MBTPS1: variants seen among roughly 807,000 people sequenced by gnomAD.
MBTPS1 encodes the protein membrane bound transcription factor peptidase, site 1, also known as membrane-bound transcription factor site-1 protease.
In MBTPS1, 94 loss-of-function variants were observed where a neutral mutation model predicts 127.8. That is an observed-to-expected ratio of 0.74 (90% CI 0.62 to 0.87). MBTPS1 has a LOEUF of 0.87. Among genes scored for constraint, MBTPS1 ranks in the 40% least tolerant of loss-of-function variants. The pLI is 0.00. For missense variants in MBTPS1, 1,636 were observed against 1,353.2 expected (o/e 1.21, Z -3.28); for synonymous variants, 632 against 509.4 (o/e 1.24, Z -3.24).
At chr16:84,067,944 G>C (rs1165222154) in intron 15 of MBTPS1, 121 bp from the exon 16 acceptor site, 19 of 904,700 alleles carry the variant, frequency 2.1e-5, no homozygotes, top group East Asian at 5.3e-5. Context: ...TCTGGTTTGT[G>C]CCACCCTGTA....
chr16:84,086,722 A>C (rs780676785), intron 9 of MBTPS1: 4 of 152,424 alleles, frequency 2.6e-5, no homozygotes, highest in Non-Finnish European at 4.4e-5. Flanking sequence ...CTGAAGAATG[A>C]GAAGGGCAGA....
intron 11 of MBTPS1, chr16:84,081,391 T>C (rs1278765182): frequency 1.2e-5 from 2 of 160,900 alleles, no homozygotes; most frequent in Non-Finnish European, 2.7e-5. Flanking sequence ...TCTGAAATGG[T>C]GGCATCAGGG....
At chr16:84,055,698 A>C (rs1385501181) in intron 22 of MBTPS1, among the ~76,000 whole-genome samples, 1 of 152,260 alleles carries the variant, frequency 6.6e-6, no homozygotes, top group Non-Finnish European at 1.5e-5. Flanking sequence ...TGGCTGGCAG[A>C]ACTTTCATAA....
Position 84,101,658 on chromosome 16 carries a change from A to C in MBTPS1, c.126T>G (p.Thr42=). The C allele has an allele frequency of 1.9e-6, 3 of 1,614,060 alleles. No homozygotes were observed. The highest frequency in any genetic ancestry group is 2.5e-6 in the Non-Finnish European group (3 of 1,179,932). ...CTGTTGATGAGAATTCCACCTTCAA[A>C]GTCAGGTGGGAACAGCCAGGGCATG... is the stretch of plus-strand genomic sequence containing the variant. ...KAPCPGCSHL[T]LKVEFSSTVV... is the part of the protein sequence containing the mutation. Residue 42 remains threonine (T), a synonymous_variant, in exon 2 of 23, where the codon ACT becomes ACG. Coordinates refer to ENST00000343411, the MANE Select transcript of MBTPS1 (RefSeq NM_003791.4).
Position 84,059,187 on chromosome 16 carries a change from C to G in MBTPS1, c.2831+115G>C, listed in dbSNP as rs1029134152. Reference sequence around the variant, plus strand: ...CTAAATAACTGTCGCAAATGACAAGCTTGAAGATCTGACAATTCGATAGTG... The same window carrying G: ...CTAAATAACTGTCGCAAATGACAAGGTTGAAGATCTGACAATTCGATAGTG... On this transcript the variant is annotated intron_variant, in intron 21 of 22. Coordinates refer to ENST00000343411, the MANE Select transcript of MBTPS1 (RefSeq NM_003791.4). 1.2e-5 allele frequency: 16 copies of G among 1,365,372 alleles called. No homozygotes were observed. The African/African-American group carries it at 1.3e-4, about 11-fold the overall frequency. 84.6% of individuals were successfully genotyped at this position (1,365,372 alleles called of 1,614,324 possible). A position where few individuals can be genotyped will look rare whatever the true frequency, so the allele number is the denominator to read the frequency against.
intron 10 of MBTPS1, among the ~76,000 whole-genome samples, chr16:84,084,474 C>T (rs748124220): frequency 8.5e-5 from 13 of 152,166 alleles, no homozygotes; most frequent in Admixed American, 1.3e-4. Flanking sequence ...TGTGTTCATT[C>T]GTTTCACTAG....
chr16:84,103,046 A>G (rs777657174), intron 1 of MBTPS1, among the ~76,000 whole-genome samples: 3 of 152,150 alleles, frequency 2.0e-5, no homozygotes, highest in East Asian at 1.9e-4. Flanking sequence ...ATGCGCACAG[A>G]TATCTTCCAA....
intron 4 of MBTPS1, among the ~76,000 whole-genome samples, chr16:84,094,426 A>G (rs573126875): frequency 1.4e-4 from 22 of 152,224 alleles, no homozygotes; most frequent in Non-Finnish European, 2.6e-4. Flanking sequence ...CTTTTCTATA[A>G]TAGTAAGTCT....
chr16:84,069,591 T>C (rs1326827324), intron 14 of MBTPS1, among the ~76,000 whole-genome samples: 2 of 151,946 alleles, frequency 1.3e-5, no homozygotes, highest in Admixed American at 6.5e-5. Flanking sequence ...AGGATGCAGT[T>C]TGAGGGTAAG....
rs572327336 is a variant in MBTPS1, at chr16:84,054,234, C to T, written c.*215G>A. ...CGGGAAGTCTCACTGGCGGCAGAGC[C>T]ACTAAGTCCCTCCTGACGGGATCCA... On this transcript the variant is annotated 3_prime_UTR_variant, in exon 23 of 23. Transcript: ENST00000343411. The T allele has an allele frequency of 5.1e-6, 2 of 391,892 alleles. No homozygotes were observed. Among genetic ancestry groups the T allele is most frequent in the South Asian group, 9.4e-5 (1 of 10,626 alleles). 24.3% of individuals were successfully genotyped at this position (391,892 alleles called of 1,614,324 possible).
intron 22 of MBTPS1, among the ~76,000 whole-genome samples, chr16:84,055,129 G>A (rs777535467): frequency 1.4e-4 from 22 of 152,234 alleles, no homozygotes; most frequent in Non-Finnish European, 2.8e-4. Flanking sequence ...TGGAGGGGAC[G>A]TGTGGCTGAA....
intron 21 of MBTPS1, chr16:84,056,453 G>C (rs1301017117): frequency 4.6e-6 from 1 of 219,148 alleles, no homozygotes; most frequent in Non-Finnish European, 9.2e-6. Context: ...GCGAGGCCCT[G>C]GAAGGAGCCT....
At chr16:84,074,118 C>T (rs1423339878) in intron 12 of MBTPS1, among the ~76,000 whole-genome samples, 1 of 152,148 alleles carries the variant, frequency 6.6e-6, no homozygotes, top group Non-Finnish European at 1.5e-5. Context: ...ACTCAAGATG[C>T]CAAAGCAAAA....
intron 16 of MBTPS1, among the ~76,000 whole-genome samples, chr16:84,067,364 T>A (rs1368574626): frequency 6.6e-6 from 1 of 152,204 alleles, no homozygotes; most frequent in African/African-American, 2.4e-5. Flanking sequence ...TGTTTTATTT[T>A]TTCTCTTTGA....
intron 1 of MBTPS1, among the ~76,000 whole-genome samples, chr16:84,112,435 G>A (rs566624103): frequency 5.3e-5 from 8 of 151,312 alleles, no homozygotes; most frequent in African/African-American, 1.2e-4. Flanking sequence ...CGAGGCAGGC[G>A]GATCATGAGG....
chr16:84,099,383 T>C, intron 2 of MBTPS1, 73 bp from the exon 3 acceptor site: 1 of 1,468,570 alleles, frequency 6.8e-7, no homozygotes, highest in Non-Finnish European at 9.1e-7. Context: ...TTGTATCTAA[T>C]CTAAAATCTG....
chr16:84,097,070 A>G (rs2086187739), intron 3 of MBTPS1, among the ~76,000 whole-genome samples: 1 of 152,220 alleles, frequency 6.6e-6, no homozygotes, highest in Admixed American at 6.5e-5. Context: ...AAATTGCCAA[A>G]AGGGACACAC....
At chr16:84,074,793 A>T in intron 11 of MBTPS1, 52 bp from the exon 12 acceptor site, 1 of 1,516,046 alleles carries the variant, frequency 6.6e-7, no homozygotes, top group Non-Finnish European at 9.1e-7. Flanking sequence ...AACTACAATG[A>T]AGCAACACAA....
At chr16:84,085,482 G>A (rs1011709933) in intron 9 of MBTPS1, among the ~76,000 whole-genome samples, 1 of 151,878 alleles carries the variant, frequency 6.6e-6, no homozygotes, top group African/African-American at 2.4e-5. Flanking sequence ...CTGAGCCCGG[G>A]AGGTCAAGGC....
Sources: gnomAD v4.1 joint callset for allele counts (sites outside exome capture counted in the v4.1 genomes callset) on GRCh38, gnomAD v4.1.1 for gene constraint, MANE v1.5 for transcripts, NCBI Gene and HGNC (gene_info 2026-07-23, HGNC 2026-07-21) for gene names.